PDGFD: variants seen among roughly 807,000 people sequenced by gnomAD.
PDGFD encodes platelet derived growth factor D.
PDGFD carries 30 observed loss-of-function variants against 44.7 expected under a neutral mutation model. The observed-to-expected ratio is 0.67, with a 90% CI of 0.50 to 0.91. The LOEUF (loss-of-function observed/expected upper bound fraction) is 0.91, where lower values mean the gene tolerates loss of function less well. Ranked by LOEUF, PDGFD falls within the 40% of genes least tolerant of loss-of-function variation. The pLI is 0.00. For missense variants in PDGFD, 445 were observed against 457.8 expected (o/e 0.97, Z 0.25); for synonymous variants, 173 against 168.4 (o/e 1.03, Z -0.21).
chr11:103,925,663 A>G (rs561341626), intron 6 of PDGFD, among the ~76,000 whole-genome samples: 68 of 134,126 alleles, frequency 5.1e-4, no homozygotes, highest in Middle Eastern at 3.7e-3. Flanking sequence ...CTCTCTCTCT[A>G]TGTGTGTGTG....
chr11:103,996,869 A>G (rs1337550498), intron 2 of PDGFD, among the ~76,000 whole-genome samples: 2 of 152,218 alleles, frequency 1.3e-5, no homozygotes, highest in African/African-American at 2.4e-5. Context: ...CCAATATTGG[A>G]AAAATCTGAG....
At chr11:103,953,747 A>G (rs1858794211) in intron 3 of PDGFD, among the ~76,000 whole-genome samples, 1 of 152,192 alleles carries the variant, frequency 6.6e-6, no homozygotes, top group Non-Finnish European at 1.5e-5. Context: ...CATTTATTGA[A>G]TGGTGTCACC....
At chr11:103,987,497 G>C (rs146431471) in intron 3 of PDGFD, among the ~76,000 whole-genome samples, 129 of 152,224 alleles carry the variant, frequency 8.5e-4, no homozygotes, top group Middle Eastern at 6.8e-3. Flanking sequence ...ACCCATGTTT[G>C]TTTATCAACC....
intron 3 of PDGFD, among the ~76,000 whole-genome samples, chr11:103,964,194 T>C (rs977499146): frequency 6.6e-6 from 1 of 152,314 alleles, no homozygotes; most frequent in East Asian, 1.9e-4. Context: ...TGTACTATCA[T>C]TGCTCTTTTT....
In PDGFD at chr11:103,980,168, T is replaced by C. The variant is rs548212044; in HGVS notation, c.510+15897A>G. 4.6e-5 allele frequency among the ~76,000 whole-genome samples: 7 copies of C among 152,254 alleles called. No homozygotes were observed. The East Asian group carries it at 1.4e-3, about 29-fold the overall frequency. ...GATTAAAATAGTAGGGGTTTTATTG[T>C]CTTTTTCTTTAAAAAATCTGTTTTT... On this transcript the variant is annotated intron_variant, in intron 3 of 6. Coordinates refer to ENST00000393158, the MANE Select transcript of PDGFD (RefSeq NM_025208.5).
chr11:104,159,241 G>C (rs956968147), intron 1 of PDGFD, among the ~76,000 whole-genome samples: 35 of 151,690 alleles, frequency 2.3e-4, no homozygotes, highest in African/African-American at 7.7e-4. Context: ...TCTGAAAAGA[G>C]AGAGCCTTGA....
At chr11:104,037,787 A>C in intron 1 of PDGFD, 1 of 1,614,140 alleles carries the variant, frequency 6.2e-7, no homozygotes, top group Non-Finnish European at 8.5e-7. Context: ...TCCATACTTG[A>C]GGATCAACCC....
intron 1 of PDGFD, among the ~76,000 whole-genome samples, chr11:104,097,627 A>C (rs1349394803): frequency 6.6e-6 from 1 of 152,198 alleles, no homozygotes; most frequent in Non-Finnish European, 1.5e-5. Flanking sequence ...AGATAATAAT[A>C]ACTTATATTT....
intron 1 of PDGFD, among the ~76,000 whole-genome samples, chr11:104,003,408 T>C (rs1859649624): frequency 6.6e-6 from 1 of 152,158 alleles, no homozygotes; most frequent in Admixed American, 6.5e-5. Context: ...GATTAGCCTG[T>C]TGGTGATACA....
chr11:104,160,233 A>T (rs1326672682), intron 1 of PDGFD, among the ~76,000 whole-genome samples: 6 of 152,242 alleles, frequency 3.9e-5, no homozygotes, highest in Admixed American at 2.6e-4. Context: ...TGATAATGTA[A>T]CAGATGATTC....
rs1459868698 is a variant in PDGFD, at chr11:103,924,228, A to C, written c.987+2684T>G. On this transcript the variant is annotated intron_variant, in intron 6 of 6. Transcript: ENST00000393158. The stretch of plus-strand genomic sequence containing the variant: ...TAAAAATAAAGCACTCCACAAATAC[A>C]TCAAAGTCCTGACCTTGAATGTTCT... Among the ~76,000 whole-genome samples the C allele has an allele frequency of 2.0e-5, 3 of 152,234 alleles. No homozygotes were observed. The East Asian group carries it at 5.8e-4, about 29-fold the overall frequency.
intron 3 of PDGFD, among the ~76,000 whole-genome samples, chr11:103,980,835 T>A (rs1017264827): frequency 6.6e-6 from 1 of 152,006 alleles, no homozygotes; most frequent in Non-Finnish European, 1.5e-5. Context: ...TTTGGCAATC[T>A]ACAACCCACA....
intron 1 of PDGFD, among the ~76,000 whole-genome samples, chr11:104,064,037 T>G (rs1186226362): frequency 6.6e-6 from 1 of 152,224 alleles, no homozygotes; most frequent in Non-Finnish European, 1.5e-5. Context: ...CTGAACCTAC[T>G]CCATGCAGAC....
rs74714345 is a variant in PDGFD, at chr11:104,035,735, T to C, written c.125-35480A>G. ...TTTTTTTATTGCACAAAATGTCTCA[T>C]CTTTCTCTAGAAATAACAGCCCTTG... On this transcript the variant is annotated intron_variant, in intron 1 of 6. Transcript: ENST00000393158. Among the ~76,000 whole-genome samples, 1,225 of 152,242 alleles carry C rather than the reference T, an allele frequency of 8.0e-3. 17 individuals are homozygous for C. The highest frequency in any genetic ancestry group is 0.028 in the African/African-American group (1,155 of 41,538).
Position 104,049,294 on chromosome 11 carries a change from C to T in PDGFD, c.125-49039G>A, listed in dbSNP as rs1860489186. Among the ~76,000 whole-genome samples, 3 of 152,132 alleles carry T rather than the reference C, an allele frequency of 2.0e-5. No homozygotes were observed. In the South Asian group the frequency reaches 6.2e-4, roughly 32 times the overall value. On this transcript the variant is annotated intron_variant, in intron 1 of 6. Transcript: ENST00000393158. Reference sequence around the variant, plus strand: ...GAACCTGGATGATGAAAAAGGAGAACTTTTGAGAAAATCTGGGTAAAGCAC... The same window carrying T: ...GAACCTGGATGATGAAAAAGGAGAATTTTTGAGAAAATCTGGGTAAAGCAC...
intron 1 of PDGFD, among the ~76,000 whole-genome samples, chr11:104,070,166 C>A (rs1860853615): frequency 6.6e-6 from 1 of 152,122 alleles, no homozygotes; most frequent in Admixed American, 6.5e-5. Context: ...CTGGAATCAG[C>A]AATTTCTCCA....
At chr11:103,969,908 A>C (rs1859078602) in intron 3 of PDGFD, among the ~76,000 whole-genome samples, 1 of 152,102 alleles carries the variant, frequency 6.6e-6, no homozygotes, top group Non-Finnish European at 1.5e-5. Flanking sequence ...GAAAATACTC[A>C]TATTTAAAAA....
chr11:103,995,969 TTCAC>T, intron 3 of PDGFD, 92 bp downstream of exon 3: 2 of 1,092,256 alleles, frequency 1.8e-6, no homozygotes, highest in South Asian at 3.1e-5. Context: ...ACTAATAAAG[TTCAC>T]TCACCCTCAC....
At position 104,030,381 on chromosome 11, in the gene PDGFD, G is replaced by A. The variant is rs376823499; in HGVS notation, c.125-30126C>T. 1.8e-4 allele frequency among the ~76,000 whole-genome samples: 27 copies of A among 152,200 alleles called. No individual in the cohort carries two copies. In the South Asian group the frequency reaches 3.9e-3, roughly 22 times the overall value. ...GAGAATAATAAAGGCCAGGCTGAAGGGCAATGAAATGCCAAAGTCTTGAAG... is the reference window on the plus strand; with the variant it reads ...GAGAATAATAAAGGCCAGGCTGAAGAGCAATGAAATGCCAAAGTCTTGAAG... On this transcript the variant is annotated intron_variant, in intron 1 of 6. Coordinates refer to ENST00000393158, the MANE Select transcript of PDGFD (RefSeq NM_025208.5).
Sources: gnomAD v4.1 joint callset for allele counts (sites outside exome capture counted in the v4.1 genomes callset) on GRCh38, gnomAD v4.1.1 for gene constraint, MANE v1.5 for transcripts, NCBI Gene and HGNC (gene_info 2026-07-23, HGNC 2026-07-21) for gene names.